Variants in AKAP19 observed in about 807,000 individuals in gnomAD.
AKAP19 encodes small A-kinase anchoring protein.
chr2:190,017,149 C>T, the AKAP19 span, among the ~76,000 whole-genome samples: 1 of 152,050 alleles, frequency 6.6e-6, no homozygotes, highest in African/African-American at 2.4e-5. Context: ...TTTCCTATGC[C>T]TTCACTTTCA....
chr2:189,903,904 T>C, the AKAP19 span, among the ~76,000 whole-genome samples: 2 of 152,106 alleles, frequency 1.3e-5, no homozygotes, highest in Non-Finnish European at 2.9e-5. Flanking sequence ...TGTGGTTTTC[T>C]ATTCCTGCCC....
At chr2:190,137,018 C>T in the AKAP19 span, among the ~76,000 whole-genome samples, 66 of 152,280 alleles carry the variant, frequency 4.3e-4, no homozygotes, top group African/African-American at 1.5e-3. Context: ...AATGTGTCGA[C>T]GTAGCAGAAT....
chr2:190,054,930 G>A, the AKAP19 span, among the ~76,000 whole-genome samples: 2 of 152,162 alleles, frequency 1.3e-5, no homozygotes, highest in East Asian at 3.9e-4. Context: ...CAATTCCTCA[G>A]GGATCTAGAA....
the AKAP19 span, among the ~76,000 whole-genome samples, chr2:189,896,822 G>T: frequency 1.3e-5 from 2 of 152,004 alleles, no homozygotes. Context: ...TAAAGAAAGA[G>T]AAACTATAAG....
At chr2:189,987,250 T>C in the AKAP19 span, among the ~76,000 whole-genome samples, 39 of 152,314 alleles carry the variant, frequency 2.6e-4, no homozygotes, top group African/African-American at 8.9e-4. Context: ...CTGCTTTTAC[T>C]TCCTCATTTT....
chr2:190,036,193 AGACATAT>A, the AKAP19 span, among the ~76,000 whole-genome samples: 8 of 152,320 alleles, frequency 5.3e-5, no homozygotes, highest in East Asian at 1.5e-3. Context: ...GCAACTATCA[AGACATAT>A]GACTGCTTAC....
At chr2:190,178,390 A>G in the AKAP19 span, among the ~76,000 whole-genome samples, 1 of 152,200 alleles carries the variant, frequency 6.6e-6, no homozygotes, top group South Asian at 2.1e-4. This position sits in a 1 kb window ranked among gnomAD's most constrained non-coding sequence, Gnocchi z 6.3. Flanking sequence ...CCTGGACCTG[A>G]GAGAGGCCCC....
chr2:189,953,551 T>C, the AKAP19 span, among the ~76,000 whole-genome samples: 1 of 150,312 alleles, frequency 6.7e-6, no homozygotes, highest in Non-Finnish European at 1.5e-5. Context: ...GGAGAATCTC[T>C]TGAACCTTGG....
chr2:190,090,160 G>T, the AKAP19 span, among the ~76,000 whole-genome samples: 1 of 152,172 alleles, frequency 6.6e-6, no homozygotes, highest in Non-Finnish European at 1.5e-5. Context: ...CACTCCTGCT[G>T]CTGCTGCCAT....
At chr2:189,880,312 T>C in the AKAP19 span, among the ~76,000 whole-genome samples, 4 of 152,202 alleles carry the variant, frequency 2.6e-5, no homozygotes, top group Non-Finnish European at 5.9e-5. Context: ...GGCTTGGGTC[T>C]ACACTGAAAA....
At chr2:189,924,264 G>T in the AKAP19 span, 1 of 1,271,066 alleles carries the variant, frequency 7.9e-7, no homozygotes, top group Non-Finnish European at 1.1e-6. Context: ...CTTTACCTAG[G>T]CGCTTGTCTA....
chr2:190,058,649 A>G, the AKAP19 span, among the ~76,000 whole-genome samples: 85 of 152,014 alleles, frequency 5.6e-4, no homozygotes, highest in Non-Finnish European at 9.1e-4. Context: ...TGTGGTATAT[A>G]TACACCATGG....
the AKAP19 span, chr2:189,924,247 A>G: frequency 7.1e-7 from 1 of 1,402,462 alleles, no homozygotes; most frequent in South Asian, 1.2e-5. Context: ...ATCTTATCCC[A>G]TTATTTCTTT....
At chr2:190,182,538 C>T in the AKAP19 span, among the ~76,000 whole-genome samples, 523 of 152,202 alleles carry the variant, frequency 3.4e-3, 1 homozygote, top group African/African-American at 0.012. Context: ...TAATAAAGTA[C>T]TTAGTAGAGG....
chr2:190,180,918 G>A, the AKAP19 span: 2 of 985,408 alleles, frequency 2.0e-6, no homozygotes, highest in Non-Finnish European at 2.4e-6. The surrounding 1 kb of genome is among the most constrained non-coding windows in gnomAD (Gnocchi z 6.8). Flanking sequence ...CCGCTGCCCT[G>A]GCAGCTGGAC....
At chr2:190,120,362 TG>T in the AKAP19 span, among the ~76,000 whole-genome samples, 6 of 151,778 alleles carry the variant, frequency 4.0e-5, no homozygotes, top group East Asian at 1.9e-4. Flanking sequence ...CCAAAAAAGC[TG>T]GGGGGGGCCT....
chr2:190,152,372 A>T, the AKAP19 span, among the ~76,000 whole-genome samples: 1 of 152,022 alleles, frequency 6.6e-6, no homozygotes, highest in Non-Finnish European at 1.5e-5. Context: ...TTTCCCCAAC[A>T]CTATTTATTT....
At chr2:190,180,900 A>C in the AKAP19 span, 1 of 985,092 alleles carries the variant, frequency 1.0e-6, no homozygotes, top group Non-Finnish European at 1.2e-6. The surrounding 1 kb of genome is among the most constrained non-coding windows in gnomAD (Gnocchi z 6.8). Context: ...GCCGGCGAGA[A>C]GGCGGCGCCG....
chr2:189,996,952 C>A, the AKAP19 span, among the ~76,000 whole-genome samples: 2 of 152,202 alleles, frequency 1.3e-5, no homozygotes, highest in Admixed American at 1.3e-4. Flanking sequence ...GATCTGTGTT[C>A]AGGTCTCCCA....
Sources: allele counts gnomAD v4.1 joint callset (sites outside exome capture counted in the v4.1 genomes callset), GRCh38; gene constraint gnomAD v4.1.1; non-coding constraint Gnocchi (gnomAD v3.1); transcripts MANE v1.5; gene names NCBI Gene and HGNC (gene_info 2026-07-23, HGNC 2026-07-21).